Variants in SLC25A21 observed in about 807,000 individuals in gnomAD.
The protein encoded by SLC25A21 is mitochondrial 2-oxodicarboxylate carrier.
In SLC25A21, 47 loss-of-function variants were observed where a neutral mutation model predicts 43.8. The ratio of observed to expected loss-of-function variants is 1.07; its 90% CI spans 0.85 to 1.37. The LOEUF is 1.37. SLC25A21 is among the 40% of genes most tolerant of loss of function. SLC25A21 has a pLI of 0.00. For missense variants in SLC25A21, 352 were observed against 350.2 expected (o/e 1.00, Z -0.04); for synonymous variants, 131 against 121.3 (o/e 1.08, Z -0.52).
chr14:37,133,501 C>T (rs1963426515), intron 1 of SLC25A21, among the ~76,000 whole-genome samples: 1 of 151,976 alleles, frequency 6.6e-6, no homozygotes, highest in Non-Finnish European at 1.5e-5. Context: ...TTCATCTACC[C>T]TCCTCTAAAT....
intron 7 of SLC25A21, among the ~76,000 whole-genome samples, chr14:36,694,752 T>C (rs1252522571): frequency 6.6e-6 from 1 of 152,138 alleles, no homozygotes; most frequent in Non-Finnish European, 1.5e-5. Context: ...CACTTTTTCA[T>C]GAGGTTGTTT....
chr14:36,727,711 A>AAAAG (rs904694516), intron 5 of SLC25A21, among the ~76,000 whole-genome samples: 8 of 152,202 alleles, frequency 5.3e-5, no homozygotes, highest in Admixed American at 3.9e-4. Flanking sequence ...AAGAAAATGA[A>AAAAG]AAAGAAAGAA....
At chr14:36,856,832 A>G (rs419693) in intron 2 of SLC25A21, among the ~76,000 whole-genome samples, 52,775 of 152,082 alleles carry the variant, frequency 0.35, 9,559 homozygotes, top group African/African-American at 0.46. Context: ...CATAGAAAAC[A>G]TGCAGTCAGA....
intron 1 of SLC25A21, among the ~76,000 whole-genome samples, chr14:37,104,670 G>T (rs953131099): frequency 6.6e-6 from 1 of 152,136 alleles, no homozygotes; most frequent in Non-Finnish European, 1.5e-5. Flanking sequence ...AAACAAAATA[G>T]GAAAGTATTT....
At chr14:37,006,535 T>C (rs1267896046) in intron 1 of SLC25A21, among the ~76,000 whole-genome samples, 1 of 152,022 alleles carries the variant, frequency 6.6e-6, no homozygotes, top group Non-Finnish European at 1.5e-5. Context: ...GAACCTCTAG[T>C]ATATCCATTC....
rs149713727 is a variant in SLC25A21 at position 36,817,230 on chromosome 14, A to G, written c.120-3229T>C. On this transcript the variant is annotated intron_variant, in intron 2 of 9. Coordinates refer to ENST00000331299, the MANE Select transcript of SLC25A21 (RefSeq NM_030631.4). Reference sequence around the variant, plus strand: ...AAAGAAATATGAAAAAAAAACCTATATAAGAGGAAATATGCAAAATGTGAA... The same window carrying G: ...AAAGAAATATGAAAAAAAAACCTATGTAAGAGGAAATATGCAAAATGTGAA... Among the ~76,000 whole-genome samples the G allele has an allele frequency of 1.7e-3, 257 of 152,194 alleles. 1 individual carries two copies. The highest frequency in any genetic ancestry group is 5.8e-3 in the African/African-American group (241 of 41,524).
intron 7 of SLC25A21, among the ~76,000 whole-genome samples, chr14:36,692,335 G>A (rs1348414786): frequency 6.6e-6 from 1 of 152,202 alleles, no homozygotes. Context: ...TTCAACATCA[G>A]AAACGTGATC....
chr14:36,799,026 A>C (rs1887775396), intron 3 of SLC25A21, among the ~76,000 whole-genome samples: 1 of 152,160 alleles, frequency 6.6e-6, no homozygotes, highest in African/African-American at 2.4e-5. Flanking sequence ...CAAGAGAGCT[A>C]AAGGCAAATA....
chr14:37,001,823 T>G (rs564625357), intron 1 of SLC25A21, among the ~76,000 whole-genome samples: 48 of 152,278 alleles, frequency 3.2e-4, no homozygotes, highest in Non-Finnish European at 4.4e-4. Context: ...ACTCAACATC[T>G]TTTCCACTTT....
chr14:36,958,983 G>A (rs1001836576), intron 1 of SLC25A21, among the ~76,000 whole-genome samples: 1 of 152,152 alleles, frequency 6.6e-6, no homozygotes, highest in African/African-American at 2.4e-5. Flanking sequence ...CCTTCTAGTT[G>A]TCCAGTAAAT....
At chr14:36,709,207 GT>G (rs1290020772) in intron 7 of SLC25A21, among the ~76,000 whole-genome samples, 3 of 152,130 alleles carry the variant, frequency 2.0e-5, no homozygotes, top group Non-Finnish European at 4.4e-5. Flanking sequence ...TTGTCTTACA[GT>G]CTGAAAAACA....
chr14:37,171,712 A>G (rs2138964628), intron 1 of SLC25A21, among the ~76,000 whole-genome samples: 1 of 152,302 alleles, frequency 6.6e-6, no homozygotes, highest in South Asian at 2.1e-4. Flanking sequence ...AACTCTATAA[A>G]TTAACGTGAG....
intron 2 of SLC25A21, among the ~76,000 whole-genome samples, chr14:36,820,947 A>C (rs1425669703): frequency 6.6e-6 from 1 of 152,228 alleles, no homozygotes; most frequent in Non-Finnish European, 1.5e-5. Context: ...ATTACAGAAC[A>C]CATTAAAAGG....
intron 2 of SLC25A21, among the ~76,000 whole-genome samples, chr14:36,828,259 ATACATCCAGGGATACTCCCGGCTCCCTG>A (rs1315662872): frequency 2.0e-5 from 3 of 152,154 alleles, no homozygotes; most frequent in Non-Finnish European, 4.4e-5. Flanking sequence ...ACCCAGCTAG[ATACATCCAGGGATACTCCCGGCTCCCTG>A]TACATCCAGG....
intron 1 of SLC25A21, among the ~76,000 whole-genome samples, chr14:36,917,054 G>T (rs565328479): frequency 6.6e-6 from 1 of 151,886 alleles, no homozygotes; most frequent in African/African-American, 2.4e-5. Context: ...TACTGTTATT[G>T]TCAAATGTCA....
intron 3 of SLC25A21, among the ~76,000 whole-genome samples, chr14:36,775,322 T>G (rs890498257): frequency 6.6e-6 from 1 of 152,226 alleles, no homozygotes; most frequent in East Asian, 1.9e-4. Flanking sequence ...TTCACTCTTA[T>G]GAGCTACACA....
chr14:36,812,717 A>G (rs922088595), intron 3 of SLC25A21, among the ~76,000 whole-genome samples: 6 of 152,178 alleles, frequency 3.9e-5, no homozygotes, highest in Non-Finnish European at 8.8e-5. Context: ...ATAAATGATT[A>G]GCAGAATAGT....
chr14:36,855,270 A>G (rs1889864183), intron 2 of SLC25A21, among the ~76,000 whole-genome samples: 2 of 152,060 alleles, frequency 1.3e-5, no homozygotes, highest in Middle Eastern at 3.4e-3. Context: ...GGGCCTGAGG[A>G]GCAATCAGCC....
chr14:37,059,586 G>A (rs1961900739), intron 1 of SLC25A21, among the ~76,000 whole-genome samples: 1 of 152,164 alleles, frequency 6.6e-6, no homozygotes, highest in African/African-American at 2.4e-5. Flanking sequence ...ATTTGGGAAA[G>A]GTTAACCGAA....
Sources: gnomAD v4.1 joint callset for allele counts (sites outside exome capture counted in the v4.1 genomes callset) on GRCh38, gnomAD v4.1.1 for gene constraint, MANE v1.5 for transcripts, NCBI Gene and HGNC (gene_info 2026-07-23, HGNC 2026-07-21) for gene names.